The following RGS6 variants were observed in gnomAD, a reference collection of about 807,000 sequenced individuals.
RGS6 encodes regulator of G-protein signaling 6.
In RGS6, 30 loss-of-function variants were observed where a neutral mutation model predicts 78.5. That is an observed-to-expected ratio of 0.38 (90% CI 0.29 to 0.52). RGS6 has a LOEUF of 0.52. Among genes scored for constraint, RGS6 ranks in the 20% least tolerant of loss-of-function variants. The pLI, the probability that RGS6 is intolerant of heterozygous loss-of-function variation, is 0.85. For missense variants in RGS6, 495 were observed against 609.7 expected (o/e 0.81, Z 1.98); for synonymous variants, 206 against 206.0 (o/e 1.00, Z 0.00).
intron 2 of RGS6, among the ~76,000 whole-genome samples, chr14:72,021,723 C>T (rs1030177810): frequency 8.6e-5 from 13 of 152,028 alleles, no homozygotes; most frequent in African/African-American, 1.2e-4. Flanking sequence ...CCACCCTCCT[C>T]GGCCTCCCAT....
intron 2 of RGS6, among the ~76,000 whole-genome samples, chr14:72,262,508 T>A (rs1432729298): frequency 1.3e-5 from 2 of 152,152 alleles, no homozygotes; most frequent in African/African-American, 4.8e-5. Flanking sequence ...ATGACCATAG[T>A]TAACTTCCCT....
chr14:72,405,536 C>T (rs1394404179), intron 3 of RGS6, among the ~76,000 whole-genome samples: 1 of 152,230 alleles, frequency 6.6e-6, no homozygotes, highest in African/African-American at 2.4e-5. Flanking sequence ...TAACATCCTT[C>T]TTTCTAAAGC....
chr14:71,968,588 G>C (rs2093645098), intron 2 of RGS6, among the ~76,000 whole-genome samples: 1 of 152,096 alleles, frequency 6.6e-6, no homozygotes, highest in Non-Finnish European at 1.5e-5. Flanking sequence ...CTTGATTAAG[G>C]CTCCTCAGCA....
intron 12 of RGS6, among the ~76,000 whole-genome samples, chr14:72,488,615 A>G (rs920235181): frequency 6.6e-5 from 10 of 152,202 alleles, no homozygotes; most frequent in South Asian, 2.1e-4. Flanking sequence ...TTAAGATTCT[A>G]CTGCCTTAGG....
At chr14:72,285,416 T>C (rs903441670) in intron 2 of RGS6, among the ~76,000 whole-genome samples, 4 of 152,088 alleles carry the variant, frequency 2.6e-5, no homozygotes, top group African/African-American at 9.7e-5. Context: ...TTTATATGGG[T>C]TTTCTCTTTC....
At chr14:72,445,123 G>C (rs1275437934) in intron 3 of RGS6, among the ~76,000 whole-genome samples, 1 of 152,224 alleles carries the variant, frequency 6.6e-6, no homozygotes, top group African/African-American at 2.4e-5. Flanking sequence ...TAAGGAAAAG[G>C]AGGAGGCTTT....
chr14:72,536,167 T>C lies in RGS6; in HGVS notation c.1279-19T>C. The C allele has an allele frequency of 6.3e-7, 1 of 1,597,178 alleles. No homozygotes were observed. The highest frequency in any genetic ancestry group is 8.6e-7 in the Non-Finnish European group (1 of 1,164,926). On this transcript the variant is annotated intron_variant, in intron 15 of 17. Coordinates refer to ENST00000553525, the MANE Select transcript of RGS6 (RefSeq NM_001204424.2). ...GTTGACAGCCCTTCCTTGTGTCTCC[T>C]TGTCACCTTCCTCCCCAGGAGCACA...
At chr14:71,938,761 C>A (rs928727179) in intron 1 of RGS6, among the ~76,000 whole-genome samples, 1 of 152,168 alleles carries the variant, frequency 6.6e-6, no homozygotes, top group African/African-American at 2.4e-5. Flanking sequence ...GCACCCAGTT[C>A]ATGATAGAAA....
chr14:71,993,791 C>G (rs1178739865), intron 2 of RGS6, among the ~76,000 whole-genome samples: 1 of 152,090 alleles, frequency 6.6e-6, no homozygotes, highest in Non-Finnish European at 1.5e-5. Flanking sequence ...CCCAGACTTT[C>G]ATAACTTGTA....
At chr14:72,053,924 G>C (rs2093475298) in intron 2 of RGS6, among the ~76,000 whole-genome samples, 2 of 152,202 alleles carry the variant, frequency 1.3e-5, no homozygotes, top group African/African-American at 4.8e-5. Context: ...AAAGTTTCTA[G>C]TGGAAAAGAA....
At chr14:72,272,362 G>A (rs552756594) in intron 2 of RGS6, among the ~76,000 whole-genome samples, 1 of 152,288 alleles carries the variant, frequency 6.6e-6, no homozygotes, top group South Asian at 2.1e-4. Flanking sequence ...AGGAGACTTG[G>A]ATTTTAGCTT....
At chr14:72,271,054 A>G (rs1384102845) in intron 2 of RGS6, among the ~76,000 whole-genome samples, 1 of 152,236 alleles carries the variant, frequency 6.6e-6, no homozygotes, top group African/African-American at 2.4e-5. Flanking sequence ...TTACAGTGCA[A>G]GAGAAGCAGC....
At chr14:72,453,388 G>A (rs2050375216) in intron 3 of RGS6, among the ~76,000 whole-genome samples, 1 of 151,656 alleles carries the variant, frequency 6.6e-6, no homozygotes, top group African/African-American at 2.4e-5. Flanking sequence ...GGCCGAGGCG[G>A]GCGGATCACG....
At chr14:72,270,250 A>G (rs2059736399) in intron 2 of RGS6, among the ~76,000 whole-genome samples, 1 of 127,294 alleles carries the variant, frequency 7.9e-6, no homozygotes, top group African/African-American at 2.9e-5. Flanking sequence ...GCACTCAGCC[A>G]TGGACTAAAA....
intron 3 of RGS6, among the ~76,000 whole-genome samples, chr14:72,388,695 A>T (rs1184495001): frequency 1.3e-5 from 2 of 152,106 alleles, no homozygotes; most frequent in Non-Finnish European, 2.9e-5. Flanking sequence ...CCTGACCCTC[A>T]GGCTTCTTAA....
At chr14:72,521,865 C>G (rs1039774869) in intron 15 of RGS6, among the ~76,000 whole-genome samples, 15 of 152,222 alleles carry the variant, frequency 9.9e-5, no homozygotes, top group Non-Finnish European at 1.9e-4. Flanking sequence ...CTAACGATGT[C>G]TGGCCCACAA....
At chr14:71,891,169 C>T in the RGS6 span, among the ~76,000 whole-genome samples, 1 of 152,182 alleles carries the variant, frequency 6.6e-6, no homozygotes, top group Non-Finnish European at 1.5e-5. Context: ...AATTCTCACC[C>T]AGATCTCCTG....
intron 2 of RGS6, among the ~76,000 whole-genome samples, chr14:72,203,983 C>T (rs758908278): frequency 4.6e-4 from 70 of 152,018 alleles, no homozygotes; most frequent in Non-Finnish European, 9.8e-4. Context: ...CACCACCACA[C>T]CTGGCTAATT....
chr14:72,437,599 A>G (rs1341711718), intron 3 of RGS6, among the ~76,000 whole-genome samples: 1 of 152,170 alleles, frequency 6.6e-6, no homozygotes, highest in African/African-American at 2.4e-5. Context: ...TAAATTCACA[A>G]TGAGTTTTAT....
Sources: gnomAD v4.1 joint callset for allele counts (sites outside exome capture counted in the v4.1 genomes callset) on GRCh38, gnomAD v4.1.1 for gene constraint, MANE v1.5 for transcripts, NCBI Gene and HGNC (gene_info 2026-07-23, HGNC 2026-07-21) for gene names.